RAPGEF3: variants seen among roughly 807,000 people sequenced by gnomAD.
The protein encoded by RAPGEF3 is Rap guanine nucleotide exchange factor 3, also known as 9330170P05Rik.
In RAPGEF3, 103 loss-of-function variants were observed where a neutral mutation model predicts 129.8. The observed-to-expected ratio is 0.79, with a 90% confidence interval of 0.68 to 0.93. RAPGEF3 has a LOEUF of 0.93. Ranked by LOEUF, RAPGEF3 falls within the 40% of genes least tolerant of loss-of-function variation. The pLI, the probability that RAPGEF3 is intolerant of heterozygous loss-of-function variation, is 0.00. For missense variants in RAPGEF3, 1,117 were observed against 1,207.4 expected (o/e 0.93, Z 1.11); for synonymous variants, 436 against 482.6 (o/e 0.90, Z 1.26).
intron 13 of RAPGEF3, 42 bp from the exon 14 acceptor site, chr12:47,747,904 AC>A: frequency 1.3e-6 from 2 of 1,598,246 alleles, no homozygotes; most frequent in African/African-American, 1.3e-5. Flanking sequence ...AAGCAGGGCC[AC>A]CCACCTGAGG....
At chr12:47,741,643 G>T (rs1334733562) in intron 18 of RAPGEF3, 41 bp from the exon 19 acceptor site, 1 of 1,502,492 alleles carries the variant, frequency 6.7e-7, no homozygotes, top group South Asian at 1.1e-5. Flanking sequence ...GGGAAGGGAG[G>T]GAGGCCGGGG....
At chr12:47,740,439 C>T in intron 21 of RAPGEF3, 44 bp from the exon 22 acceptor site, 1 of 1,585,894 alleles carries the variant, frequency 6.3e-7, no homozygotes, top group Non-Finnish European at 8.6e-7. Flanking sequence ...AGGGAAGCAG[C>T]CACCCCTACA....
intron 2 of RAPGEF3, among the ~76,000 whole-genome samples, 162 bp from the exon 3 acceptor site, chr12:47,752,131 CT>C (rs1941789716): frequency 6.6e-6 from 1 of 152,220 alleles, no homozygotes; most frequent in Non-Finnish European, 1.5e-5. Flanking sequence ...ACTCAGCACC[CT>C]GTGCCCCGGG....
chr12:47,748,683 C>T (rs1941574327), intron 11 of RAPGEF3, 136 bp downstream of exon 11: 1 of 1,008,572 alleles, frequency 9.9e-7, no homozygotes, highest in Non-Finnish European at 1.5e-6. Flanking sequence ...ACTGGCTCAG[C>T]AGGCACATCC....
At chr12:47,743,726 C>A in intron 17 of RAPGEF3, 50 bp from the exon 18 acceptor site, 1 of 1,583,680 alleles carries the variant, frequency 6.3e-7, no homozygotes. Context: ...TGATCTCCAC[C>A]CCAGGAGGGA....
chr12:47,739,511 C>G (rs559562610), intron 23 of RAPGEF3: 1 of 637,484 alleles, frequency 1.6e-6, no homozygotes, highest in Non-Finnish European at 2.9e-6. Flanking sequence ...ATCCCTGTCT[C>G]TTTCTGTGTC....
intron 13 of RAPGEF3, 22 bp from the exon 14 acceptor site, chr12:47,747,884 C>T (rs1177882483): frequency 6.2e-7 from 1 of 1,600,154 alleles, no homozygotes; most frequent in Non-Finnish European, 8.5e-7. Context: ...TCAAGGGAAC[C>T]ACAACATCCA....
At chr12:47,738,124 G>C in intron 26 of RAPGEF3, 31 bp from the exon 27 acceptor site, 1 of 1,613,966 alleles carries the variant, frequency 6.2e-7, no homozygotes, top group Non-Finnish European at 8.5e-7. Flanking sequence ...CATGGAGTCA[G>C]GGCCACCCTG....
chr12:47,740,555 T>G, intron 21 of RAPGEF3, 87 bp downstream of exon 21: 1 of 1,539,200 alleles, frequency 6.5e-7, no homozygotes, highest in South Asian at 1.2e-5. Flanking sequence ...GTGGCAGATT[T>G]GGCAACATAC....
intron 2 of RAPGEF3, chr12:47,752,865 C>T (rs1281860073): frequency 6.6e-6 from 1 of 152,128 alleles, no homozygotes; most frequent in African/African-American, 2.4e-5. Context: ...CAGGAAGACG[C>T]ACTTTATCAT....
chr12:47,739,162 G>A lies in RAPGEF3; in HGVS notation c.2442C>T (p.Phe814=), dbSNP rs1940982640. The change falls in exon 24 of 28, where the codon TTC becomes TTT. Residue 814 remains phenylalanine (F), a synonymous_variant. Transcript: ENST00000449771. Reference sequence around the variant, plus strand: ...TGTTACCTTTGAGAAGAAGGGGCATGAAGGGGATGACAGGAGGGGAGAGCT... The same window carrying A: ...TGTTACCTTTGAGAAGAAGGGGCATAAAGGGGATGACAGGAGGGGAGAGCT... ...LAKLSPPVIP[F]MPLLLKDMTF... The A allele has an allele frequency of 3.7e-6, 6 of 1,605,324 alleles. No individual in the cohort carries two copies. Among genetic ancestry groups the A allele is most frequent in the Non-Finnish European group, 4.3e-6 (5 of 1,175,714 alleles).
In RAPGEF3 at chr12:47,741,200, A is replaced by T. The variant is rs1434867647; in HGVS notation, c.1924-160T>A. On this transcript the variant is annotated intron_variant, in intron 19 of 27. Transcript: ENST00000449771. Reference sequence around the variant, plus strand: ...GGTCTCTAGGGGCTATAGCAGCTGGAGGATAGGGCTCCCCAGTGCTGAGAC... The same window carrying T: ...GGTCTCTAGGGGCTATAGCAGCTGGTGGATAGGGCTCCCCAGTGCTGAGAC... 4 of 955,818 alleles carry T rather than the reference A, an allele frequency of 4.2e-6. No homozygotes were observed. In the African/African-American group the frequency reaches 6.6e-5, roughly 16 times the overall value. The allele number at this position is 955,818 out of a possible 1,614,324, so 59.2% of individuals were successfully genotyped here. A position where few individuals can be genotyped will look rare whatever the true frequency, so the allele number is the denominator to read the frequency against.
intron 12 of RAPGEF3, 60 bp downstream of exon 12, chr12:47,748,394 C>G: frequency 6.7e-7 from 1 of 1,498,862 alleles, no homozygotes; most frequent in Non-Finnish European, 9.2e-7. Context: ...CTGGCTCTCT[C>G]CCAGGCTCCA....
At position 47,738,689 on chromosome 12, in the gene RAPGEF3, C is replaced by T; in HGVS notation, c.2526+1G>A. ...TGAATGCCTGCTCTCCCTGGACTCA[C>T]CATCTTCTCAAAGTTGATGAGATTC... On this transcript the variant is annotated splice_donor_variant, in intron 25 of 27. Transcript: ENST00000449771. LOFTEE classifies it high-confidence loss of function. The T allele has an allele frequency of 6.3e-7, 1 of 1,598,570 alleles. No homozygotes were observed. Among genetic ancestry groups the T allele is most frequent in the Non-Finnish European group, 8.6e-7 (1 of 1,165,868 alleles).
rs1357802032 is a variant in RAPGEF3, at chr12:47,751,146, G to A, written c.573C>T (p.Pro191=). Residue 191 remains proline (P), a synonymous_variant, in exon 6 of 28, where the codon CCC becomes CCT. Coordinates refer to ENST00000449771, the MANE Select transcript of RAPGEF3 (RefSeq NM_001098531.4). ...CCTCCTCCATCTCATGAGTTCTCAC[G>A]GGCTCGGGCTCGGGCCCGGGGAACC... The part of the protein sequence containing the change: ...FYRFPGPEPE[P]VRTHEMEEEL... 58 of 1,558,354 alleles carry A rather than the reference G, an allele frequency of 3.7e-5. No individual in the cohort carries two copies. Among genetic ancestry groups the A allele is most frequent in the Non-Finnish European group, 4.9e-5 (56 of 1,150,978 alleles).
chr12:47,746,484 G>A, intron 16 of RAPGEF3: 1 of 577,504 alleles, frequency 1.7e-6, no homozygotes, highest in Non-Finnish European at 3.0e-6. Context: ...TCCAGGGAGG[G>A]GCCTCGCCTT....
intron 15 of RAPGEF3, 152 bp from the exon 16 acceptor site, chr12:47,747,051 G>A (rs868792169): frequency 1.8e-5 from 14 of 759,256 alleles, no homozygotes; most frequent in Admixed American, 6.4e-5. Flanking sequence ...GGGAGAACAC[G>A]GTCTTGAAAC....
intron 7 of RAPGEF3, 25 bp from the exon 8 acceptor site, chr12:47,750,015 G>C (rs749808488): frequency 2.5e-6 from 4 of 1,613,918 alleles, no homozygotes; most frequent in Admixed American, 1.7e-5. Context: ...TAGGAGAGTC[G>C]GTGGCGACAA....
Position 47,749,205 on chromosome 12 carries a change from C to T in RAPGEF3, c.1041+185G>A, listed in dbSNP as rs1313320476. 1 of 747,936 alleles carries T rather than the reference C, an allele frequency of 1.3e-6. No homozygotes were observed. Among genetic ancestry groups the T allele is most frequent in the Admixed American group, 2.3e-5 (1 of 43,750 alleles). 46.3% of individuals were successfully genotyped at this position (747,936 alleles called of 1,614,324 possible). A position where few individuals can be genotyped will look rare whatever the true frequency, so the allele number is the denominator to read the frequency against. On this transcript the variant is annotated intron_variant, in intron 10 of 27. Coordinates refer to ENST00000449771, the MANE Select transcript of RAPGEF3 (RefSeq NM_001098531.4). The surrounding 1 kb of genome is among the most constrained non-coding windows in gnomAD (Gnocchi z 4.5). ...AGTCACTGGTCTCACTGAACTCCTTCTGTGCCTTATGGGCTTCACCTTCTC... is the reference window on the plus strand; with the variant it reads ...AGTCACTGGTCTCACTGAACTCCTTTTGTGCCTTATGGGCTTCACCTTCTC...
Sources: gnomAD v4.1 joint callset for allele counts (sites outside exome capture counted in the v4.1 genomes callset) on GRCh38, gnomAD v4.1.1 for gene constraint, Gnocchi (gnomAD v3.1) non-coding constraint, MANE v1.5 for transcripts, NCBI Gene and HGNC (gene_info 2026-07-23, HGNC 2026-07-21) for gene names.